Variants in SUMF1 observed in about 807,000 individuals in gnomAD.
SUMF1 encodes the protein formylglycine-generating enzyme.
SUMF1 carries 48 observed loss-of-function variants against 47.6 expected under a neutral mutation model. The ratio of observed to expected loss-of-function variants is 1.01; its 90% CI spans 0.80 to 1.28. The LOEUF (loss-of-function observed/expected upper bound fraction) is 1.28. Among genes scored for constraint, SUMF1 ranks in the 50% most tolerant of loss-of-function variants. The pLI, the probability that SUMF1 is intolerant of heterozygous loss-of-function variation, is 0.00. For missense variants in SUMF1, 571 were observed against 485.4 expected, an observed-to-expected ratio of 1.18 and a Z score of -1.66; for synonymous variants, 230 against 192.1, an observed-to-expected ratio of 1.20 and a Z score of -1.63.
At chr3:4,401,860 G>A (rs1474106741) in intron 7 of SUMF1, among the ~76,000 whole-genome samples, 4 of 152,058 alleles carry the variant, frequency 2.6e-5, no homozygotes, top group African/African-American at 9.7e-5. Context: ...CCCTTCCCAG[G>A]AGCGTGATAC....
chr3:4,113,895 C>T (rs917518331), intron 8 of SUMF1, among the ~76,000 whole-genome samples: 1 of 152,104 alleles, frequency 6.6e-6, no homozygotes, highest in East Asian at 1.9e-4. Context: ...GTGCATTTGT[C>T]TTCTCTAAAT....
intron 8 of SUMF1, among the ~76,000 whole-genome samples, chr3:4,311,231 C>A (rs1698392646): frequency 6.6e-6 from 1 of 152,018 alleles, no homozygotes; most frequent in South Asian, 2.1e-4. Flanking sequence ...GGGTTTTGCA[C>A]TTAACTACAT....
chr3:4,335,518 A>G (rs1699129123), intron 8 of SUMF1, among the ~76,000 whole-genome samples: 1 of 152,202 alleles, frequency 6.6e-6, no homozygotes, highest in Admixed American at 6.5e-5. Context: ...CTGAAAGTAA[A>G]CTAAACTCCC....
chr3:4,069,617 AGT>A (rs1559443571), intron 8 of SUMF1, among the ~76,000 whole-genome samples: 2 of 152,068 alleles, frequency 1.3e-5, no homozygotes, highest in South Asian at 2.1e-4. Context: ...GTGTGAGGTG[AGT>A]GTGTTATGAA....
chr3:4,465,862 A>G (rs1204389660), intron 1 of SUMF1, among the ~76,000 whole-genome samples: 1 of 152,222 alleles, frequency 6.6e-6, no homozygotes, highest in Non-Finnish European at 1.5e-5. Context: ...GAAATATTGA[A>G]GGGGAGAGAA....
chr3:4,076,543 C>G (rs962416912), intron 8 of SUMF1, among the ~76,000 whole-genome samples: 1 of 152,102 alleles, frequency 6.6e-6, no homozygotes, highest in Non-Finnish European at 1.5e-5. Context: ...AAACTACCAT[C>G]AGAGTGAACA....
rs55817526 is a variant in SUMF1, at chr3:4,160,171, C to A, written c.1015-91426G>T. 4.2e-3 allele frequency among the ~76,000 whole-genome samples: 640 copies of A among 152,244 alleles called. 8 individuals are homozygous for A. The highest frequency in any genetic ancestry group is 0.015 in the African/African-American group (607 of 41,538). On this transcript the variant is annotated intron_variant and NMD_transcript_variant, in intron 8 of 12. Transcript: ENST00000448413. ...ACCCCTATCTCTTTCTCTACCTCCT[C>A]TTTAAGGCCAATAACTCTTAGATTT...
chr3:4,218,762 A>T (rs1432930523), intron 8 of SUMF1, among the ~76,000 whole-genome samples: 1 of 152,198 alleles, frequency 6.6e-6, no homozygotes, highest in Non-Finnish European at 1.5e-5. Context: ...AAACTAGACT[A>T]ACTATGACGC....
intron 9 of SUMF1, among the ~76,000 whole-genome samples, chr3:4,064,112 T>C (rs1230149151): frequency 6.6e-6 from 1 of 152,062 alleles, no homozygotes; most frequent in Non-Finnish European, 1.5e-5. Context: ...GGCTGAGACC[T>C]ACTGAGCCGC....
At chr3:4,379,346 G>C (rs1033820579) in intron 7 of SUMF1, among the ~76,000 whole-genome samples, 3 of 152,332 alleles carry the variant, frequency 2.0e-5, no homozygotes, top group African/African-American at 4.8e-5. Context: ...GTCCTTATAA[G>C]ATGAGGAGAG....
chr3:4,303,469 C>G (rs775456167), intron 8 of SUMF1: 1 of 1,524,512 alleles, frequency 6.6e-7, no homozygotes, highest in South Asian at 1.3e-5. Context: ...TCGCGTGCGG[C>G]CAGGAAAACT....
At chr3:4,258,096 T>C (rs1390640173) in intron 8 of SUMF1, among the ~76,000 whole-genome samples, 3 of 150,640 alleles carry the variant, frequency 2.0e-5, no homozygotes, top group Non-Finnish European at 4.4e-5. Context: ...CCTTACACCT[T>C]ATACAAAAAT....
At chr3:4,305,599 G>C (rs2125075456) in intron 8 of SUMF1, among the ~76,000 whole-genome samples, 1 of 152,284 alleles carries the variant, frequency 6.6e-6, no homozygotes, top group Non-Finnish European at 1.5e-5. Flanking sequence ...GCAATTTCAA[G>C]ATATGGCAAG....
intron 7 of SUMF1, among the ~76,000 whole-genome samples, chr3:4,377,755 G>C (rs1414875047): frequency 6.6e-6 from 1 of 152,104 alleles, no homozygotes; most frequent in South Asian, 2.1e-4. Context: ...CCAATAAATA[G>C]GCTCTAATAA....
At chr3:4,037,769 T>A (rs1327665779) in intron 9 of SUMF1, among the ~76,000 whole-genome samples, 1 of 152,222 alleles carries the variant, frequency 6.6e-6, no homozygotes, top group Non-Finnish European at 1.5e-5. Flanking sequence ...TGATTCTTTC[T>A]CATCTCTACA....
rs114077613 is a variant in SUMF1, at chr3:4,114,147, T to C, written c.1015-45402A>G. 2.9e-3 allele frequency among the ~76,000 whole-genome samples: 440 copies of C among 152,260 alleles called. 5 individuals are homozygous for C. Among genetic ancestry groups the C allele is most frequent in the African/African-American group, 0.01 (420 of 41,516 alleles). On this transcript the variant is annotated intron_variant and NMD_transcript_variant, in intron 8 of 12. Transcript: ENST00000448413. Reference sequence around the variant, plus strand: ...TACCTAAAATCAAGATTGAGCTCTCTTTCCTGTTACACCACTGAACTTTCT... The same window carrying C: ...TACCTAAAATCAAGATTGAGCTCTCCTTCCTGTTACACCACTGAACTTTCT...
At chr3:4,148,148 C>T (rs1173352795) in intron 8 of SUMF1, among the ~76,000 whole-genome samples, 4 of 152,168 alleles carry the variant, frequency 2.6e-5, no homozygotes, top group Admixed American at 2.6e-4. Flanking sequence ...TTAATCTAAT[C>T]TGAAATCTTT....
intron 8 of SUMF1, among the ~76,000 whole-genome samples, chr3:4,233,389 C>CT (rs1217986655): frequency 6.6e-6 from 1 of 151,984 alleles, no homozygotes; most frequent in East Asian, 1.9e-4. Flanking sequence ...GGGCCATTTT[C>CT]TTTTTTTATG....
chr3:4,277,533 G>A (rs746683648), intron 8 of SUMF1, among the ~76,000 whole-genome samples: 1 of 151,986 alleles, frequency 6.6e-6, no homozygotes, highest in African/African-American at 2.4e-5. Context: ...AAAGAAGCAG[G>A]AGACAGGAAA....
Sources: gnomAD v4.1 joint callset for allele counts (sites outside exome capture counted in the v4.1 genomes callset) on GRCh38, gnomAD v4.1.1 for gene constraint, MANE v1.5 for transcripts, NCBI Gene and HGNC (gene_info 2026-07-23, HGNC 2026-07-21) for gene names.